Variants in TTC17 observed in about 807,000 individuals in gnomAD.
TTC17 encodes tetratricopeptide repeat domain 17, also known as tetratricopeptide repeat protein 17.
In TTC17, 58 loss-of-function variants were observed where a neutral mutation model predicts 143.8. The observed-to-expected ratio is 0.40, with a 90% CI of 0.33 to 0.50. TTC17 has a LOEUF of 0.50. Among genes scored for constraint, TTC17 ranks in the 20% least tolerant of loss-of-function variants. The probability of loss-of-function intolerance (pLI) is 0.49; values close to 1 mark genes in which losing one functional copy is unlikely to be tolerated. For missense variants in TTC17, 1,273 were observed against 1,392.5 expected, an observed-to-expected ratio of 0.91 and a Z score of 1.37; for synonymous variants, 501 against 497.8, an observed-to-expected ratio of 1.01 and a Z score of -0.09.
chr11:43,405,622 G>C lies in TTC17; in HGVS notation c.1588G>C (p.Gly530Arg), dbSNP rs1251536592. Residue 530 changes from glycine to arginine, a missense_variant, in exon 12 of 24, where the codon GGA (glycine) becomes CGA (arginine). This residue lies in a region of TTC17 where 878 missense variants were observed against 899.8 expected (regional missense o/e 0.98). Coordinates refer to ENST00000039989, the MANE Select transcript of TTC17 (RefSeq NM_018259.6). ...PTYFLPPENK[G>R]LRIHELSSDD... ...GTATTTTCTGCCTCCGGAAAACAAA[G>C]GACTCAGGCAAGTGGTGATGGATTT... 1 of 1,613,910 alleles carries C rather than the reference G, an allele frequency of 6.2e-7. No homozygotes were observed. Among genetic ancestry groups the C allele is most frequent in the Non-Finnish European group, 8.5e-7 (1 of 1,179,850 alleles).
chr11:43,395,359 C>G (rs1324538603), intron 5 of TTC17: 2 of 152,188 alleles, frequency 1.3e-5, no homozygotes, highest in Non-Finnish European at 2.9e-5. Flanking sequence ...CTAGGCCTCC[C>G]AAAGTGCTGG....
In TTC17 at chr11:43,367,520, C is replaced by T. The variant is rs138199052; in HGVS notation, c.159+8407C>T. Among the ~76,000 whole-genome samples, 183 of 152,248 alleles carry T rather than the reference C, an allele frequency of 1.2e-3. 2 individuals are homozygous for T. The East Asian group carries it at 0.029, about 24-fold the overall frequency. ...CAGCTGTGGGGTTCAGCAGTTGTTGCAGTTTAGAAGTCACTCTGGTGAAAG... is the reference window on the plus strand; with the variant it reads ...CAGCTGTGGGGTTCAGCAGTTGTTGTAGTTTAGAAGTCACTCTGGTGAAAG... On this transcript the variant is annotated intron_variant, in intron 1 of 23. Transcript: ENST00000039989.
intron 3 of TTC17, among the ~76,000 whole-genome samples, 186 bp downstream of exon 3, chr11:43,390,007 T>G (rs1256907675): frequency 6.6e-6 from 1 of 152,108 alleles, no homozygotes; most frequent in Non-Finnish European, 1.5e-5. Context: ...AACACCACAG[T>G]AGAAAATGGA....
chr11:43,419,768 C>T (rs1946858533), intron 16 of TTC17, among the ~76,000 whole-genome samples: 1 of 152,142 alleles, frequency 6.6e-6, no homozygotes, highest in African/African-American at 2.4e-5. Flanking sequence ...CATAGCACAC[C>T]ATAGCTTCTA....
chr11:43,457,280 A>G (rs542891726), intron 21 of TTC17, among the ~76,000 whole-genome samples: 16 of 152,212 alleles, frequency 1.1e-4, no homozygotes, highest in African/African-American at 3.6e-4. Context: ...GTATGCCCCA[A>G]CTTAACATTA....
At chr11:43,475,325 G>T (rs768818819) in intron 21 of TTC17, among the ~76,000 whole-genome samples, 1 of 152,068 alleles carries the variant, frequency 6.6e-6, no homozygotes, top group Non-Finnish European at 1.5e-5. Flanking sequence ...TTCAAGAGGT[G>T]ACTTGGGTGC....
chr11:43,407,848 A>G (rs1858217756), intron 15 of TTC17, among the ~76,000 whole-genome samples: 1 of 151,882 alleles, frequency 6.6e-6, no homozygotes, highest in Non-Finnish European at 1.5e-5. Flanking sequence ...GTAAAAATAT[A>G]CTGCCGCTTT....
intron 1 of TTC17, among the ~76,000 whole-genome samples, chr11:43,361,886 C>A (rs1565124963): frequency 6.6e-6 from 1 of 151,990 alleles, no homozygotes; most frequent in Admixed American, 6.6e-5. Context: ...ATTAAACACA[C>A]CCAGATTAGA....
At chr11:43,462,045 A>G (rs79066400) in intron 21 of TTC17, among the ~76,000 whole-genome samples, 41 of 147,588 alleles carry the variant, frequency 2.8e-4, no homozygotes, top group Non-Finnish European at 4.8e-4. Flanking sequence ...CAGTAGTTAC[A>G]TGGAGGAAGA....
At chr11:43,385,163 G>A (rs1220381794) in intron 2 of TTC17, among the ~76,000 whole-genome samples, 1 of 152,088 alleles carries the variant, frequency 6.6e-6, no homozygotes, top group African/African-American at 2.4e-5. Context: ...ATAAAATACA[G>A]GAGGTAACAC....
chr11:43,453,342 T>C (rs1241572085), intron 21 of TTC17, among the ~76,000 whole-genome samples: 1 of 151,606 alleles, frequency 6.6e-6, no homozygotes, highest in African/African-American at 2.4e-5. Context: ...TCAACAGCAG[T>C]GCTTATTGAA....
intron 1 of TTC17, among the ~76,000 whole-genome samples, chr11:43,364,395 T>C (rs1856247315): frequency 6.6e-6 from 1 of 152,140 alleles, no homozygotes; most frequent in Non-Finnish European, 1.5e-5. Context: ...TTAATTTTGG[T>C]CTGATGTTAA....
chr11:43,372,490 AT>A (rs1856606738), intron 1 of TTC17, among the ~76,000 whole-genome samples: 1 of 148,938 alleles, frequency 6.7e-6, no homozygotes, highest in Non-Finnish European at 1.5e-5. Flanking sequence ...TTTTTTATTT[AT>A]TTATTTATTT....
At chr11:43,437,484 TTAAC>T (rs562230154) in intron 16 of TTC17, among the ~76,000 whole-genome samples, 25 of 152,228 alleles carry the variant, frequency 1.6e-4, no homozygotes, top group Non-Finnish European at 2.8e-4. Context: ...ACAACCACTG[TTAAC>T]TAACTTTTTG....
At chr11:43,407,238 C>A in intron 14 of TTC17, 23 bp downstream of exon 14, 1 of 1,565,838 alleles carries the variant, frequency 6.4e-7, no homozygotes, top group Non-Finnish European at 8.7e-7. Flanking sequence ...CTTTAGACAT[C>A]TAAAACTTAA....
chr11:43,478,739 A>C (rs1347311421), intron 21 of TTC17, among the ~76,000 whole-genome samples: 2 of 151,994 alleles, frequency 1.3e-5, no homozygotes, highest in South Asian at 2.1e-4. Flanking sequence ...TCCCTGCCCC[A>C]TCCCGCAACC....
chr11:43,394,412 G>A (rs1857502808), intron 5 of TTC17, among the ~76,000 whole-genome samples: 1 of 152,220 alleles, frequency 6.6e-6, no homozygotes, highest in Non-Finnish European at 1.5e-5. Context: ...ACTGGAAATA[G>A]ACCTGTTAGA....
intron 16 of TTC17, among the ~76,000 whole-genome samples, chr11:43,434,835 A>G (rs1565164328): frequency 6.6e-6 from 1 of 152,344 alleles, no homozygotes; most frequent in East Asian, 1.9e-4. Context: ...AATGTATAAT[A>G]GTGTAAAAGT....
At chr11:43,365,669 G>A (rs950991138) in intron 1 of TTC17, among the ~76,000 whole-genome samples, 3 of 152,126 alleles carry the variant, frequency 2.0e-5, no homozygotes, top group Non-Finnish European at 2.9e-5. Context: ...ACTTTACCTT[G>A]TACAAAAATA....
Sources: gnomAD v4.1 joint callset for allele counts (sites outside exome capture counted in the v4.1 genomes callset) on GRCh38, gnomAD v4.1.1 for gene constraint, gnomAD v4.1.1 regional missense constraint, MANE v1.5 for transcripts, NCBI Gene and HGNC (gene_info 2026-07-23, HGNC 2026-07-21) for gene names.